FGD6: variants seen among roughly 807,000 people sequenced by gnomAD.
FGD6 encodes FYVE, RhoGEF and PH domain containing 6, also known as FYVE, RhoGEF and PH domain-containing protein 6.
Under a neutral mutation model 149.4 loss-of-function variants are expected in FGD6, and 90 were observed. That is an observed-to-expected ratio of 0.60 (90% CI 0.51 to 0.72). The LOEUF is 0.72. FGD6 is among the 30% of genes least tolerant of loss of function. The probability of loss-of-function intolerance (pLI) is 0.00; values close to 1 mark genes in which losing one functional copy is unlikely to be tolerated. For synonymous variants in FGD6, 527 were observed against 584.0 expected (o/e 0.90, Z 1.41); for missense variants, 1,437 against 1,684.8 (o/e 0.85, Z 2.57).
chr12:95,115,576 GAGGT>G (rs1211028980), intron 8 of FGD6, among the ~76,000 whole-genome samples: 2 of 152,100 alleles, frequency 1.3e-5, no homozygotes, highest in Non-Finnish European at 2.9e-5. Flanking sequence ...TATTTTAGTT[GAGGT>G]AAAAGGCAAT....
chr12:95,169,183 A>G (rs780034394), intron 3 of FGD6, among the ~76,000 whole-genome samples: 17 of 152,206 alleles, frequency 1.1e-4, no homozygotes, highest in Non-Finnish European at 2.2e-4. Flanking sequence ...AAACACAGTT[A>G]GATAGAATGA....
At chr12:95,178,613 ATCTTC>A (rs1246402301) in intron 2 of FGD6, among the ~76,000 whole-genome samples, 2 of 152,314 alleles carry the variant, frequency 1.3e-5, no homozygotes, top group South Asian at 2.1e-4. Flanking sequence ...TTGATTTTTA[ATCTTC>A]TCTTCGAGAG....
At chr12:95,115,115 C>G (rs1406281272) in intron 8 of FGD6, among the ~76,000 whole-genome samples, 1 of 152,186 alleles carries the variant, frequency 6.6e-6, no homozygotes, top group Non-Finnish European at 1.5e-5. Flanking sequence ...ATGCTTCTAT[C>G]ATTTTCTTTT....
rs376576751 is a variant in FGD6 at position 95,181,272 on chromosome 12, C to T, written c.2442-8528G>A. ...TGAACAGCAACATAATAATAGGGTCCGTCTCCCATAGTTCTCCATTTGGTT... is the reference window on the plus strand; with the variant it reads ...TGAACAGCAACATAATAATAGGGTCTGTCTCCCATAGTTCTCCATTTGGTT... On this transcript the variant is annotated intron_variant, in intron 2 of 20. Coordinates refer to ENST00000343958, the MANE Select transcript of FGD6 (RefSeq NM_018351.4). Among the ~76,000 whole-genome samples the T allele has an allele frequency of 5.3e-5, 8 of 152,258 alleles. No homozygotes were observed. The East Asian group carries it at 7.7e-4, about 15-fold the overall frequency.
intron 3 of FGD6, among the ~76,000 whole-genome samples, chr12:95,163,427 G>A (rs756762648): frequency 1.3e-5 from 2 of 152,004 alleles, no homozygotes; most frequent in Non-Finnish European, 2.9e-5. Context: ...TCTTATTCAT[G>A]TAATATTTAT....
chr12:95,162,579 A>G (rs1375885558), intron 3 of FGD6, among the ~76,000 whole-genome samples: 1 of 152,206 alleles, frequency 6.6e-6, no homozygotes, highest in East Asian at 1.9e-4. Context: ...AGAAGTGAAC[A>G]ATGGAAACGA....
intron 2 of FGD6, among the ~76,000 whole-genome samples, chr12:95,185,627 C>G (rs1881407068): frequency 6.6e-6 from 1 of 152,154 alleles, no homozygotes; most frequent in South Asian, 2.1e-4. Flanking sequence ...TTTTGGGAGG[C>G]TGAGGCAGGA....
chr12:95,087,580 G>A (rs1255673673), intron 18 of FGD6, among the ~76,000 whole-genome samples: 4 of 152,188 alleles, frequency 2.6e-5, no homozygotes. Flanking sequence ...TGAGAACTCA[G>A]TACTTGCCAA....
chr12:95,113,129 C>G (rs1157235422), intron 9 of FGD6, among the ~76,000 whole-genome samples: 1 of 152,050 alleles, frequency 6.6e-6, no homozygotes, highest in Non-Finnish European at 1.5e-5. Flanking sequence ...GGCCATGGGT[C>G]TCCCCTGCCC....
Position 95,211,187 on chromosome 12 carries a change from T to C in FGD6, c.97A>G (p.Lys33Glu). The C allele has an allele frequency of 6.2e-7, 1 of 1,613,902 alleles. No individual in the cohort carries two copies. Among genetic ancestry groups the C allele is most frequent in the Non-Finnish European group, 8.5e-7 (1 of 1,180,014 alleles). Reference sequence around the variant, plus strand: ...ACACTAGAAATCACAATGTCGGGTTTAGGTGCAATAGGAGGTGGGGCTGGC... The same window carrying C: ...ACACTAGAAATCACAATGTCGGGTTCAGGTGCAATAGGAGGTGGGGCTGGC... Reference protein sequence around the residue: ...NKPAPPPIAPKPDIVISSVPQ... With the variant: ...NKPAPPPIAPEPDIVISSVPQ... Residue 33 changes from lysine to glutamate, a missense_variant, in exon 2 of 21, where the codon AAA (lysine) becomes GAA (glutamate). Lys to Glu is a moderately conservative substitution (Grantham distance 56). This residue lies in a region of FGD6 where 1,055 missense variants were observed against 1,146.0 expected (regional missense o/e 0.92). Coordinates refer to ENST00000343958, the MANE Select transcript of FGD6 (RefSeq NM_018351.4).
intron 14 of FGD6, among the ~76,000 whole-genome samples, chr12:95,096,327 C>T (rs1429612614): frequency 5.9e-5 from 9 of 152,106 alleles, no homozygotes; most frequent in Non-Finnish European, 1.3e-4. Flanking sequence ...CAGAAAGCGC[C>T]TCCCTAATCC....
At chr12:95,182,879 TTTG>T (rs1881324910) in intron 2 of FGD6, among the ~76,000 whole-genome samples, 2 of 152,250 alleles carry the variant, frequency 1.3e-5, no homozygotes, top group African/African-American at 4.8e-5. Flanking sequence ...CAGCTCATCC[TTTG>T]ACTACCTTCT....
chr12:95,139,166 G>A (rs1879768141), intron 6 of FGD6, among the ~76,000 whole-genome samples: 1 of 152,136 alleles, frequency 6.6e-6, no homozygotes, highest in South Asian at 2.1e-4. Context: ...TAGGCTAGGT[G>A]CAGTGGCTCA....
At position 95,210,878 on chromosome 12, in the gene FGD6, G is replaced by C. The variant is rs1295827280; in HGVS notation, c.406C>G (p.Leu136Val). The part of the protein sequence containing the change: ...LCVKQLVLEP[L>V]EMNENLENSK... The stretch of plus-strand genomic sequence containing the variant: ...TTTTCTAAATTTTCATTCATTTCCA[G>C]GGGCTCTAAAACAAGCTGCTTTACA... Residue 136 changes from leucine (L) to valine (V), a missense_variant, in exon 2 of 21, where the codon CTG becomes GTG. Transcript: ENST00000343958. 1 of 1,612,108 alleles carries C rather than the reference G, an allele frequency of 6.2e-7. No individual in the cohort carries two copies. Among genetic ancestry groups the C allele is most frequent in the African/African-American group, 1.3e-5 (1 of 74,696 alleles).
rs1382259378 is a variant in FGD6, at chr12:95,081,569, G to T, written c.4257-13C>A. 3 of 1,597,428 alleles carry T rather than the reference G, an allele frequency of 1.9e-6. No homozygotes were observed. Among genetic ancestry groups the T allele is most frequent in the South Asian group, 1.1e-5 (1 of 88,138 alleles). ...TGCTTCTATCCACCTATTGATAAGAGAAATCGGTTAGATTTGTAAAACCTA... is the reference window on the plus strand; with the variant it reads ...TGCTTCTATCCACCTATTGATAAGATAAATCGGTTAGATTTGTAAAACCTA... On this transcript the variant is annotated splice_polypyrimidine_tract_variant and intron_variant, in intron 20 of 20. Transcript: ENST00000343958.
intron 14 of FGD6, among the ~76,000 whole-genome samples, chr12:95,098,162 C>A (rs892958190): frequency 6.6e-6 from 1 of 152,132 alleles, no homozygotes; most frequent in African/African-American, 2.4e-5. Flanking sequence ...CATATGCACA[C>A]CTGAAACTCA....
chr12:95,106,301 C>T (rs1441325876), intron 13 of FGD6, among the ~76,000 whole-genome samples: 24 of 145,692 alleles, frequency 1.6e-4, no homozygotes, highest in Non-Finnish European at 3.3e-4. Context: ...GAAGGAGTCT[C>T]ACTCTGTTGC....
chr12:95,135,754 A>G (rs1337855132), intron 7 of FGD6, among the ~76,000 whole-genome samples: 1 of 152,220 alleles, frequency 6.6e-6, no homozygotes, highest in African/African-American at 2.4e-5. Context: ...TGGTACACAG[A>G]GTGATTATGA....
chr12:95,130,259 T>C (rs1236708185), intron 8 of FGD6, among the ~76,000 whole-genome samples: 1 of 152,116 alleles, frequency 6.6e-6, no homozygotes, highest in Non-Finnish European at 1.5e-5. Flanking sequence ...TCTAAAAGGA[T>C]TCCAGAAGAA....
Sources: allele counts gnomAD v4.1 joint callset (sites outside exome capture counted in the v4.1 genomes callset), GRCh38; gene constraint gnomAD v4.1.1; regional missense constraint gnomAD v4.1.1; transcripts MANE v1.5; gene names NCBI Gene and HGNC (gene_info 2026-07-23, HGNC 2026-07-21).